STAG2: variants seen among roughly 807,000 people sequenced by gnomAD.
STAG2 encodes STAG2 cohesin complex component.
Under a neutral mutation model 108.1 loss-of-function variants are expected in STAG2, and 14 were observed. That is an observed-to-expected ratio of 0.13 (90% confidence interval 0.09 to 0.20). STAG2 has a LOEUF of 0.20. Ranked by LOEUF, STAG2 falls within the 10% of genes least tolerant of loss-of-function variation. STAG2 has a pLI of 1.00. For synonymous variants in STAG2, 307 were observed against 302.7 expected, an observed-to-expected ratio of 1.01 and a Z score of -0.15; for missense variants, 440 against 940.9, an observed-to-expected ratio of 0.47 and a Z score of 6.96.
chrX:124,021,511 C>A (rs2056924910), intron 2 of STAG2, 80 bp downstream of exon 2: 1 of 112,028 alleles, frequency 8.9e-6, no homozygotes, highest in Non-Finnish European at 1.9e-5. Context: ...TCATTTTCTT[C>A]ATTTAGGAAA....
chrX:123,987,569 G>A (rs1379327344), intron 1 of STAG2, among the ~76,000 whole-genome samples: 2 of 111,900 alleles, frequency 1.8e-5, no homozygotes, highest in Non-Finnish European at 3.8e-5. Flanking sequence ...TTGTAGCGAC[G>A]ATATCTCCCT....
intron 1 of STAG2, chrX:123,962,232 C>G (rs185461000): frequency 9.0e-6 from 1 of 111,100 alleles, no homozygotes; most frequent in Non-Finnish European, 1.9e-5. Flanking sequence ...TCGGATGGGC[C>G]GTGGGAGAGA....
At chrX:123,987,315 G>A (rs188531842) in intron 1 of STAG2, among the ~76,000 whole-genome samples, 15 of 108,640 alleles carry the variant, frequency 1.4e-4, no homozygotes, top group African/African-American at 5.0e-4. Context: ...ATGGAGTGAT[G>A]TCGGTTCACT....
chrX:123,977,434 C>G (rs751616872), intron 1 of STAG2, among the ~76,000 whole-genome samples: 1 of 103,870 alleles, frequency 9.6e-6, no homozygotes, highest in Non-Finnish European at 2.0e-5. Flanking sequence ...ACTAGCCTCC[C>G]TTTTCTGCTG....
chrX:123,996,108 G>A (rs931454087), intron 1 of STAG2, among the ~76,000 whole-genome samples: 1 of 111,999 alleles, frequency 8.9e-6, no homozygotes, highest in South Asian at 3.7e-4. Flanking sequence ...AGTATAATTC[G>A]ATATAACCCC....
In STAG2 at chrX:124,078,878, A is replaced by C. The variant is rs1232422211; in HGVS notation, c.2775+820A>C. ...CAGCCACTTGGGAGGCTGAGGCACG[A>C]GAATTGCTTGAACCTCGTAGGTGGA... On this transcript the variant is annotated intron_variant, in intron 27 of 34. Coordinates refer to ENST00000371145, the MANE Select transcript of STAG2 (RefSeq NM_001042750.2). Among the ~76,000 whole-genome samples, 4 of 108,799 alleles carry C rather than the reference A, an allele frequency of 3.7e-5. 1 individual carries two copies. Among genetic ancestry groups the C allele is most frequent in the Non-Finnish European group, 7.6e-5 (4 of 52,364 alleles). 94.5% of individuals were successfully genotyped at this position (108,799 alleles called of 115,157 possible).
At chrX:124,000,794 A>G (rs1467368095) in intron 1 of STAG2, among the ~76,000 whole-genome samples, 2 of 112,062 alleles carry the variant, frequency 1.8e-5, no homozygotes, top group African/African-American at 6.5e-5. Context: ...GTCCCTGAAG[A>G]CCTTCCAGTA....
At chrX:124,091,934 A>G (rs1198507063) in intron 32 of STAG2, among the ~76,000 whole-genome samples, 2 of 112,505 alleles carry the variant, frequency 1.8e-5, no homozygotes, top group Non-Finnish European at 3.8e-5. Context: ...GCTCTAAAAA[A>G]CATGGCAGAC....
intron 1 of STAG2, among the ~76,000 whole-genome samples, chrX:124,019,979 G>C (rs182296487): frequency 8.9e-6 from 1 of 112,271 alleles, no homozygotes; most frequent in Non-Finnish European, 1.9e-5. Flanking sequence ...GCACATGCGC[G>C]CATCTATCTT....
chrX:123,994,707 T>C (rs2055645543), intron 1 of STAG2, among the ~76,000 whole-genome samples: 1 of 112,057 alleles, frequency 8.9e-6, no homozygotes, highest in African/African-American at 3.2e-5. Context: ...GAGTGTAGTC[T>C]TATTTTTGTT....
In STAG2 at chrX:124,031,165, T is replaced by G. The variant is rs755402956; in HGVS notation, c.288+40T>G. On this transcript the variant is annotated intron_variant, in intron 5 of 34. Coordinates refer to ENST00000371145, the MANE Select transcript of STAG2 (RefSeq NM_001042750.2). ...GTTCTTCCCAGTTCATTTGTACATTTTAAACTTTAATGAGTTATATAGAGT... is the reference window on the plus strand; with the variant it reads ...GTTCTTCCCAGTTCATTTGTACATTGTAAACTTTAATGAGTTATATAGAGT... 3.4e-6 allele frequency: 4 copies of G among 1,165,804 alleles called. No individual in the cohort carries two copies. In the Admixed American group the frequency reaches 9.7e-5, roughly 28 times the overall value.
intron 5 of STAG2, among the ~76,000 whole-genome samples, chrX:124,033,351 T>C (rs2057404173): frequency 8.9e-6 from 1 of 112,432 alleles, no homozygotes; most frequent in African/African-American, 3.2e-5. Context: ...TTACTTTCCT[T>C]CTTTTTTTTG....
chrX:123,989,951 G>A (rs2147749238), intron 1 of STAG2, among the ~76,000 whole-genome samples: 1 of 111,224 alleles, frequency 9.0e-6, no homozygotes, highest in South Asian at 3.7e-4. Flanking sequence ...GTTGCATTGA[G>A]GATGTGATTT....
chrX:123,963,563 G>A (rs1409447971), intron 1 of STAG2, among the ~76,000 whole-genome samples: 1 of 109,862 alleles, frequency 9.1e-6, no homozygotes, highest in Non-Finnish European at 1.9e-5. Context: ...GTGTTCAGCA[G>A]TTTTTCAAGT....
chrX:124,088,833 C>T (rs1287265398), intron 30 of STAG2, among the ~76,000 whole-genome samples: 2 of 107,235 alleles, frequency 1.9e-5, no homozygotes, highest in Admixed American at 1.0e-4. Flanking sequence ...AGGCTGGTCT[C>T]GAACTCCCAA....
At chrX:124,089,134 C>T (rs936835253) in intron 30 of STAG2, among the ~76,000 whole-genome samples, 13 of 109,112 alleles carry the variant, frequency 1.2e-4, no homozygotes, top group South Asian at 4.0e-4. Flanking sequence ...CAGGCTCGAA[C>T]TCCTGACCTC....
chrX:124,093,939 AGAGAGCCACATACTGCTGC>A, intron 32 of STAG2, 60 bp from the exon 33 acceptor site: 1 of 1,050,348 alleles, frequency 9.5e-7, no homozygotes, highest in Non-Finnish European at 1.3e-6. Context: ...ACTTGAATAT[AGAGAGCCACATACTGCTGC>A]CTAGATATTA....
At chrX:123,971,366 T>C (rs1035956803) in intron 1 of STAG2, among the ~76,000 whole-genome samples, 10 of 112,075 alleles carry the variant, frequency 8.9e-5, no homozygotes, top group Non-Finnish European at 1.3e-4. Flanking sequence ...GGGTAGAGGT[T>C]ACAGTGAGCT....
At chrX:124,088,320 C>T (rs372728817) in intron 30 of STAG2, among the ~76,000 whole-genome samples, 34 of 110,050 alleles carry the variant, frequency 3.1e-4, no homozygotes, top group East Asian at 2.3e-3. Context: ...AAACCAGATA[C>T]GTCAATTTTT....
Sources: allele counts gnomAD v4.1 joint callset (sites outside exome capture counted in the v4.1 genomes callset), GRCh38; gene constraint gnomAD v4.1.1; transcripts MANE v1.5; gene names NCBI Gene and HGNC (gene_info 2026-07-23, HGNC 2026-07-21).